Variants in PDZRN4 observed in about 807,000 individuals in gnomAD.
The protein encoded by PDZRN4 is PDZ domain-containing RING finger protein 4.
A neutral mutation model predicts 99.0 loss-of-function variants in PDZRN4; 70 were observed. The observed-to-expected ratio is 0.71, with a 90% CI of 0.58 to 0.86. The LOEUF is 0.86. PDZRN4 is among the 40% of genes least tolerant of loss of function. The probability of loss-of-function intolerance (pLI) is 0.00; values close to 1 mark genes in which losing one functional copy is unlikely to be tolerated. For synonymous variants in PDZRN4, 551 were observed against 501.6 expected (o/e 1.10, Z -1.32); for missense variants, 1,474 against 1,331.2 (o/e 1.11, Z -1.67).
intron 7 of PDZRN4, among the ~76,000 whole-genome samples, chr12:41,559,184 TACACACACAC>T (rs10557714): frequency 6.7e-6 from 1 of 150,012 alleles, no homozygotes; most frequent in Non-Finnish European, 1.5e-5. Flanking sequence ...CACACATACA[TACACACACAC>T]ACACACACAC....
intron 5 of PDZRN4, among the ~76,000 whole-genome samples, chr12:41,535,947 C>A (rs957280288): frequency 1.1e-4 from 16 of 152,294 alleles, no homozygotes; most frequent in Admixed American, 1.0e-3. Flanking sequence ...TAAGGCAACA[C>A]TTTTCTTTAC....
Position 41,189,105 on chromosome 12 carries a change from T to G in PDZRN4, c.648+2T>G, listed in dbSNP as rs1591960344. ...GACCTCGGTGGCGGCCACCGCAGGGTAAGCAAAGGGGGGTGGGCACCGCGG... is the reference window on the plus strand; with the variant it reads ...GACCTCGGTGGCGGCCACCGCAGGGGAAGCAAAGGGGGGTGGGCACCGCGG... On this transcript the variant is annotated splice_donor_variant, in intron 1 of 9. Transcript: ENST00000402685. LOFTEE classifies it high-confidence loss of function. 1 of 1,578,194 alleles carries G rather than the reference T, an allele frequency of 6.3e-7. No homozygotes were observed. The highest frequency in any genetic ancestry group is 8.5e-7 in the Non-Finnish European group (1 of 1,170,506).
At chr12:41,216,900 C>T (rs958865810) in intron 3 of PDZRN4, among the ~76,000 whole-genome samples, 1 of 152,020 alleles carries the variant, frequency 6.6e-6, no homozygotes, top group African/African-American at 2.4e-5. Flanking sequence ...AGGCACCTGC[C>T]TTACTAATGT....
At chr12:41,467,297 T>C (rs1030774180) in intron 3 of PDZRN4, among the ~76,000 whole-genome samples, 2 of 152,186 alleles carry the variant, frequency 1.3e-5, no homozygotes, top group Non-Finnish European at 2.9e-5. Flanking sequence ...TCTGAAAAAC[T>C]AATGAGAATT....
chr12:41,451,726 T>G (rs1233290461), intron 3 of PDZRN4, among the ~76,000 whole-genome samples: 1 of 152,212 alleles, frequency 6.6e-6, no homozygotes, highest in Non-Finnish European at 1.5e-5. Context: ...AATGGACACC[T>G]TATCTGTGCT....
chr12:41,399,874 T>A (rs1254673807), intron 3 of PDZRN4, among the ~76,000 whole-genome samples: 1 of 152,118 alleles, frequency 6.6e-6, no homozygotes, highest in East Asian at 1.9e-4. Context: ...CAATCACTTC[T>A]GTTTATGCAG....
intron 3 of PDZRN4, among the ~76,000 whole-genome samples, chr12:41,375,280 G>A (rs1460427914): frequency 6.6e-6 from 1 of 152,102 alleles, no homozygotes; most frequent in African/African-American, 2.4e-5. Flanking sequence ...CAAGTTTCAG[G>A]GTAGTGTGCT....
At chr12:41,427,480 T>C (rs1413178707) in intron 3 of PDZRN4, among the ~76,000 whole-genome samples, 1 of 152,148 alleles carries the variant, frequency 6.6e-6, no homozygotes, top group East Asian at 1.9e-4. Flanking sequence ...GTGTAACTTG[T>C]TCAACTTCAT....
chr12:41,260,204 G>A (rs12310860), intron 3 of PDZRN4, among the ~76,000 whole-genome samples: 13,604 of 152,074 alleles, frequency 0.089, 794 homozygotes, highest in African/African-American at 0.17. Flanking sequence ...TCCTTTTCAT[G>A]TGTTTTACTT....
At chr12:41,431,457 A>G (rs1328233534) in intron 3 of PDZRN4, among the ~76,000 whole-genome samples, 1 of 152,178 alleles carries the variant, frequency 6.6e-6, no homozygotes, top group African/African-American at 2.4e-5. Flanking sequence ...TCCAGAAACC[A>G]TGCTTAACCA....
intron 3 of PDZRN4, among the ~76,000 whole-genome samples, chr12:41,442,198 G>C (rs530027378): frequency 6.6e-6 from 1 of 151,362 alleles, no homozygotes; most frequent in East Asian, 1.9e-4. Context: ...TCTATTTTTT[G>C]CTTTTCTCTT....
At chr12:41,373,581 A>T (rs1164186467) in intron 3 of PDZRN4, among the ~76,000 whole-genome samples, 1 of 152,140 alleles carries the variant, frequency 6.6e-6, no homozygotes, top group Non-Finnish European at 1.5e-5. Context: ...GTTCTCTCTT[A>T]TTCCCTGAAC....
At chr12:41,487,988 A>G (rs1226650116) in intron 3 of PDZRN4, among the ~76,000 whole-genome samples, 1 of 152,214 alleles carries the variant, frequency 6.6e-6, no homozygotes, top group Non-Finnish European at 1.5e-5. Context: ...ATGAATGAAT[A>G]AGCAATGAGT....
intron 3 of PDZRN4, among the ~76,000 whole-genome samples, chr12:41,260,509 G>C (rs958440513): frequency 1.3e-5 from 2 of 152,046 alleles, no homozygotes; most frequent in African/African-American, 4.8e-5. Flanking sequence ...TTATACATGA[G>C]TTAATATAAA....
chr12:41,323,320 TATAA>T (rs1269945763), intron 3 of PDZRN4, among the ~76,000 whole-genome samples: 1 of 152,204 alleles, frequency 6.6e-6, no homozygotes, highest in Non-Finnish European at 1.5e-5. Flanking sequence ...GTTTTAAAAA[TATAA>T]ATAATTTACC....
chr12:41,506,658 T>C lies in PDZRN4; in HGVS notation c.1046T>C (p.Leu349Pro), dbSNP rs1199578229. The change falls in exon 4 of 10, where the codon CTT becomes CCT. Residue 349 changes from leucine to proline, a missense_variant. Leu to Pro is a moderately conservative substitution (Grantham distance 98). Coordinates refer to ENST00000402685, the MANE Select transcript of PDZRN4 (RefSeq NM_001164595.2). ...GAACACATCATGGCTCTGGCCAAGC[T>C]TCGTCCACCTACCCCTCCAGTGCCA... ...TFEHIMALAK[L>P]RPPTPPVPDI... 6.2e-7 allele frequency: 1 copy of C among 1,613,810 alleles called. No homozygotes were observed. The highest frequency in any genetic ancestry group is 8.5e-7 in the Non-Finnish European group (1 of 1,179,808).
intron 3 of PDZRN4, among the ~76,000 whole-genome samples, chr12:41,436,463 C>T (rs933327802): frequency 3.9e-5 from 6 of 152,110 alleles, no homozygotes; most frequent in Non-Finnish European, 7.4e-5. Flanking sequence ...CGTAGCTATT[C>T]GTCAGTGATA....
chr12:41,516,374 C>T (rs1565603864), intron 5 of PDZRN4, among the ~76,000 whole-genome samples: 1 of 152,062 alleles, frequency 6.6e-6, no homozygotes, highest in South Asian at 2.1e-4. Context: ...AATGAATAAA[C>T]ATTGCTGCTA....
intron 3 of PDZRN4, among the ~76,000 whole-genome samples, chr12:41,224,169 T>A (rs1950977449): frequency 6.6e-6 from 1 of 152,210 alleles, no homozygotes; most frequent in African/African-American, 2.4e-5. Context: ...CCAGAAACTA[T>A]CATTTAATGA....
Sources: gnomAD v4.1 joint callset for allele counts (sites outside exome capture counted in the v4.1 genomes callset) on GRCh38, gnomAD v4.1.1 for gene constraint, MANE v1.5 for transcripts, NCBI Gene and HGNC (gene_info 2026-07-23, HGNC 2026-07-21) for gene names.